LDLRAD3: variants seen among roughly 807,000 people sequenced by gnomAD.
The protein encoded by LDLRAD3 is low-density lipoprotein receptor class A domain-containing protein 3.
Under a neutral mutation model 29.4 loss-of-function variants are expected in LDLRAD3, and 20 were observed. The observed-to-expected ratio is 0.68, with a 90% CI of 0.48 to 0.99. The LOEUF (loss-of-function observed/expected upper bound fraction) is 0.99. Among genes scored for constraint, LDLRAD3 ranks in the 50% least tolerant of loss-of-function variants. The probability of loss-of-function intolerance (pLI) is 0.00; values close to 1 mark genes in which losing one functional copy is unlikely to be tolerated. For synonymous variants in LDLRAD3, 157 were observed against 192.7 expected (o/e 0.81, Z 1.53); for missense variants, 420 against 454.3 (o/e 0.92, Z 0.69).
intron 3 of LDLRAD3, among the ~76,000 whole-genome samples, chr11:36,085,988 C>G (rs1324569171): frequency 1.3e-5 from 2 of 152,150 alleles, no homozygotes; most frequent in Non-Finnish European, 2.9e-5. Flanking sequence ...AATCTGTCAT[C>G]AAGCTCACTT....
At chr11:35,973,967 A>G (rs778790714) in intron 1 of LDLRAD3, among the ~76,000 whole-genome samples, 18 of 152,238 alleles carry the variant, frequency 1.2e-4, no homozygotes, top group Non-Finnish European at 2.2e-4. Flanking sequence ...CCATAAGTGT[A>G]AGAACCATGT....
chr11:36,222,889 T>C (rs1271358091), intron 4 of LDLRAD3, among the ~76,000 whole-genome samples: 2 of 152,082 alleles, frequency 1.3e-5, no homozygotes, highest in Admixed American at 6.6e-5. Context: ...AGTTTCTAGG[T>C]AGTGACCAGA....
At chr11:36,169,449 C>T (rs1854563808) in intron 4 of LDLRAD3, among the ~76,000 whole-genome samples, 1 of 152,204 alleles carries the variant, frequency 6.6e-6, no homozygotes, top group South Asian at 2.1e-4. Flanking sequence ...AGCCTCACCC[C>T]TGCCACCCTT....
At chr11:35,960,896 C>T (rs1851269146) in intron 1 of LDLRAD3, among the ~76,000 whole-genome samples, 1 of 152,202 alleles carries the variant, frequency 6.6e-6, no homozygotes, top group South Asian at 2.1e-4. Context: ...GCCCGGCCTG[C>T]TTTGGTTTTA....
At chr11:36,142,583 C>T (rs1854101559) in intron 4 of LDLRAD3, among the ~76,000 whole-genome samples, 1 of 151,988 alleles carries the variant, frequency 6.6e-6, no homozygotes, top group African/African-American at 2.4e-5. Context: ...CTGTCTGGTT[C>T]CCGCCCCCGC....
chr11:36,214,051 G>A lies in LDLRAD3; in HGVS notation c.455-13034G>A, dbSNP rs575645723. The stretch of plus-strand genomic sequence containing the variant: ...ATTTTACAGTCCCAATTTTAATCCC[G>A]CTGTCCCTTCATTAAATGCTTTCAG... On this transcript the variant is annotated intron_variant, in intron 4 of 5. Coordinates refer to ENST00000315571, the MANE Select transcript of LDLRAD3 (RefSeq NM_174902.4). Among the ~76,000 whole-genome samples, 42 of 152,216 alleles carry A rather than the reference G, an allele frequency of 2.8e-4. 1 individual carries two copies. In the South Asian group the frequency reaches 7.7e-3, roughly 28 times the overall value.
intron 2 of LDLRAD3, among the ~76,000 whole-genome samples, chr11:36,063,409 C>T (rs1318031243): frequency 1.3e-5 from 2 of 152,156 alleles, no homozygotes; most frequent in South Asian, 2.1e-4. Context: ...CAGTCATTCC[C>T]CATTCTTCCC....
intron 5 of LDLRAD3, among the ~76,000 whole-genome samples, 184 bp downstream of exon 5, chr11:36,227,614 C>G (rs749602093): frequency 2.0e-5 from 3 of 152,202 alleles, no homozygotes; most frequent in African/African-American, 7.2e-5. Flanking sequence ...TCATTTAATC[C>G]TCTTAGCACC....
chr11:36,060,984 G>A (rs1274427103), intron 2 of LDLRAD3, among the ~76,000 whole-genome samples: 1 of 152,178 alleles, frequency 6.6e-6, no homozygotes, highest in Admixed American at 6.5e-5. Context: ...CCACTGTGAT[G>A]CTTCCTGTCT....
chr11:36,078,379 C>T (rs1853051730), intron 2 of LDLRAD3, among the ~76,000 whole-genome samples: 1 of 152,210 alleles, frequency 6.6e-6, no homozygotes, highest in Admixed American at 6.5e-5. Context: ...CTTCAGCACC[C>T]CCTTGGTCTC....
At chr11:36,229,101 A>G (rs900005584) in intron 5 of LDLRAD3, 59 bp from the exon 6 acceptor site, 1 of 1,203,138 alleles carries the variant, frequency 8.3e-7, no homozygotes, top group Non-Finnish European at 1.2e-6. Context: ...CTTGGCCCTA[A>G]TGTGTTCTCT....
At chr11:36,071,273 C>T (rs1465176573) in intron 2 of LDLRAD3, among the ~76,000 whole-genome samples, 3 of 152,190 alleles carry the variant, frequency 2.0e-5, no homozygotes, top group Non-Finnish European at 4.4e-5. Context: ...CGCAGACAAT[C>T]CTAGGCTGGA....
chr11:36,206,423 C>T (rs1286217752), intron 4 of LDLRAD3, among the ~76,000 whole-genome samples: 1 of 152,138 alleles, frequency 6.6e-6, no homozygotes, highest in Non-Finnish European at 1.5e-5. Context: ...TAGCTATGTC[C>T]GTAACTCTAC....
At chr11:36,113,672 C>CT (rs745375991) in intron 4 of LDLRAD3, among the ~76,000 whole-genome samples, 2,890 of 126,316 alleles carry the variant, frequency 0.023, 173 homozygotes, top group African/African-American at 0.077. Flanking sequence ...CATAGCATCA[C>CT]TTTTTTTTTT....
At chr11:36,189,656 G>A (rs901683452) in intron 4 of LDLRAD3, among the ~76,000 whole-genome samples, 55 of 151,716 alleles carry the variant, frequency 3.6e-4, no homozygotes, top group Non-Finnish European at 5.4e-4. Context: ...GTATACATGT[G>A]CCATGTTGGT....
intron 4 of LDLRAD3, among the ~76,000 whole-genome samples, chr11:36,218,961 G>A (rs1404390246): frequency 6.6e-6 from 1 of 151,454 alleles, no homozygotes; most frequent in Non-Finnish European, 1.5e-5. Context: ...CATATAACAT[G>A]AAGAAAAGTA....
intron 4 of LDLRAD3, among the ~76,000 whole-genome samples, chr11:36,202,461 G>C (rs1329263827): frequency 1.3e-5 from 2 of 152,184 alleles, no homozygotes; most frequent in East Asian, 3.8e-4. Flanking sequence ...CTGACCACTT[G>C]ACATGCATCT....
intron 2 of LDLRAD3, among the ~76,000 whole-genome samples, chr11:36,047,513 G>A (rs1415574288): frequency 6.6e-6 from 1 of 152,056 alleles, no homozygotes; most frequent in Non-Finnish European, 1.5e-5. Flanking sequence ...GTGGCATCTT[G>A]GATTCAATGA....
chr11:36,208,914 A>G lies in LDLRAD3; in HGVS notation c.455-18171A>G, dbSNP rs116323740. 3.0e-3 allele frequency among the ~76,000 whole-genome samples: 451 copies of G among 152,378 alleles called. 4 individuals carry two copies. Among genetic ancestry groups the G allele is most frequent in the African/African-American group, 0.01 (427 of 41,592 alleles). Reference sequence around the variant, plus strand: ...TCAAAGAATCTCCCCCAAAATATTTATTGACTACAAAGACAGAAATAGTAA... The same window carrying G: ...TCAAAGAATCTCCCCCAAAATATTTGTTGACTACAAAGACAGAAATAGTAA... On this transcript the variant is annotated intron_variant, in intron 4 of 5. Transcript: ENST00000315571.
Sources: allele counts gnomAD v4.1 joint callset (sites outside exome capture counted in the v4.1 genomes callset), GRCh38; gene constraint gnomAD v4.1.1; transcripts MANE v1.5; gene names NCBI Gene and HGNC (gene_info 2026-07-23, HGNC 2026-07-21).